The following ZNF771 variants were observed in gnomAD, a reference collection of about 807,000 sequenced individuals.
ZNF771 encodes the protein zinc finger protein 771.
A neutral mutation model predicts 27.6 loss-of-function variants in ZNF771; 10 were observed. That is an observed-to-expected ratio of 0.36 (90% CI 0.22 to 0.61). The LOEUF (loss-of-function observed/expected upper bound fraction) is 0.61. Ranked by LOEUF, ZNF771 falls within the 20% of genes least tolerant of loss-of-function variation. The pLI is 0.70. For missense variants in ZNF771, 438 were observed against 503.7 expected (o/e 0.87, Z 1.25); for synonymous variants, 261 against 225.2 (o/e 1.16, Z -1.43).
chr16:30,409,986 T>G (rs939596731), intron 2 of ZNF771, among the ~76,000 whole-genome samples: 7 of 152,182 alleles, frequency 4.6e-5, no homozygotes, highest in Non-Finnish European at 1.0e-4. Flanking sequence ...AGTCAACACA[T>G]GCACAGAGTT....
chr16:30,416,345 A>G (rs1346454042), intron 2 of ZNF771, among the ~76,000 whole-genome samples: 2 of 152,148 alleles, frequency 1.3e-5, no homozygotes, highest in Non-Finnish European at 2.9e-5. Context: ...AGATATGTCA[A>G]GAAGCCGTGA....
chr16:30,418,467 A>G lies in ZNF771; in HGVS notation c.*100A>G. ...CCTCCGGGTCTGGGAAATTGAGGGG[A>G]CGGCAGGCCCGGCTGCCCTGGAACT... On this transcript the variant is annotated 3_prime_UTR_variant, in exon 3 of 3. Transcript: ENST00000319296. The G allele has an allele frequency of 8.1e-7, 1 of 1,228,742 alleles. No individual in the cohort carries two copies. Among genetic ancestry groups the G allele is most frequent in the Non-Finnish European group, 1.1e-6 (1 of 943,360 alleles). 76.1% of individuals were successfully genotyped at this position (1,228,742 alleles called of 1,614,324 possible).
At chr16:30,408,973 A>T (rs920471866) in intron 2 of ZNF771, among the ~76,000 whole-genome samples, 14 of 148,642 alleles carry the variant, frequency 9.4e-5, no homozygotes, top group African/African-American at 3.5e-4. Flanking sequence ...CACCTGGCTA[A>T]TTTTTTTTTG....
intron 1 of ZNF771, 46 bp from the exon 2 acceptor site, chr16:30,407,997 GGT>G (rs2050085416): frequency 7.8e-5 from 69 of 883,906 alleles, no homozygotes; most frequent in East Asian, 1.6e-4. Flanking sequence ...CGGGGGGGGG[GGT>G]GGGGGGGGGC....
chr16:30,413,702 T>C, intron 2 of ZNF771: 1 of 290,338 alleles, frequency 3.4e-6, no homozygotes, highest in Non-Finnish European at 7.2e-6. Flanking sequence ...ACCAAGTTGT[T>C]GGGACTACAA....
rs1470047879 is a variant in ZNF771, at chr16:30,418,925, T to C, written c.*558T>C. The C allele has an allele frequency of 6.6e-6, 1 of 152,662 alleles. No homozygotes were observed. The highest frequency in any genetic ancestry group is 1.5e-5 in the Non-Finnish European group (1 of 68,364). 9.5% of individuals were successfully genotyped at this position (152,662 alleles called of 1,614,324 possible). On this transcript the variant is annotated 3_prime_UTR_variant, in exon 3 of 3. Coordinates refer to ENST00000319296, the MANE Select transcript of ZNF771 (RefSeq NM_001142305.2). Reference sequence around the variant, plus strand: ...TGTAATAACACTACGTTAAAGGTTTTAACTGCTTTGTTATGTAAGCTTACC... The same window carrying C: ...TGTAATAACACTACGTTAAAGGTTTCAACTGCTTTGTTATGTAAGCTTACC...
chr16:30,414,770 C>T (rs897700165), intron 2 of ZNF771, among the ~76,000 whole-genome samples: 2 of 148,892 alleles, frequency 1.3e-5, no homozygotes, highest in African/African-American at 5.0e-5. Context: ...CAGCCTCCCG[C>T]GTAGCTGGGA....
intron 2 of ZNF771, chr16:30,413,687 G>A (rs896958328): frequency 2.0e-5 from 6 of 304,226 alleles, no homozygotes; most frequent in African/African-American, 8.8e-5. Context: ...CTCCTTCCTC[G>A]GCCTACCAAG....
intron 2 of ZNF771, among the ~76,000 whole-genome samples, chr16:30,411,742 C>A (rs185683286): frequency 5.3e-5 from 8 of 152,212 alleles, no homozygotes; most frequent in Non-Finnish European, 1.2e-4. Flanking sequence ...GAAGGGTGCT[C>A]GATCGTTAGC....
intron 2 of ZNF771, among the ~76,000 whole-genome samples, chr16:30,409,827 C>T (rs527852360): frequency 2.2e-4 from 34 of 152,290 alleles, no homozygotes; most frequent in Non-Finnish European, 1.3e-4. Flanking sequence ...CAAACACAGG[C>T]TCCAGAGCTT....
Position 30,418,412 on chromosome 16 carries a change from T to C in ZNF771, c.*45T>C, listed in dbSNP as rs2050150490. ...GGGCGCGCTGGGGCTTCGACCTGGC[T>C]GCACTAACCCAGGCTCCTCCTCGCC... is the stretch of plus-strand genomic sequence containing the variant. On this transcript the variant is annotated 3_prime_UTR_variant, in exon 3 of 3. Transcript: ENST00000319296. 4 of 1,358,654 alleles carry C rather than the reference T, an allele frequency of 2.9e-6. No homozygotes were observed. The highest frequency in any genetic ancestry group is 9.4e-7 in the Non-Finnish European group (1 of 1,059,746). The allele number at this position is 1,358,654 out of a possible 1,614,324, so 84.2% of individuals were successfully genotyped here. A position where few individuals can be genotyped will look rare whatever the true frequency, so the allele number is the denominator to read the frequency against.
chr16:30,409,469 A>C (rs1324759003), intron 2 of ZNF771, among the ~76,000 whole-genome samples: 2 of 152,096 alleles, frequency 1.3e-5, no homozygotes, highest in Non-Finnish European at 2.9e-5. Flanking sequence ...TGGAGACCCT[A>C]ACTGCCACCA....
rs879044893 is a variant in ZNF771, at chr16:30,417,689, G to A, written c.276G>A (p.Gly92=). ...ARTHTGERPF[G]CTECGRRFSQ... ...CGCACACGGGCGAACGGCCCTTCGGGTGCACCGAGTGCGGGCGGCGCTTCT... is the reference window on the plus strand; with the variant it reads ...CGCACACGGGCGAACGGCCCTTCGGATGCACCGAGTGCGGGCGGCGCTTCT... Residue 92 remains glycine (G), a synonymous_variant, in exon 3 of 3, where the codon GGG becomes GGA. Coordinates refer to ENST00000319296, the MANE Select transcript of ZNF771 (RefSeq NM_001142305.2). 3.4e-5 allele frequency: 47 copies of A among 1,382,484 alleles called. No individual in the cohort carries two copies. The highest frequency in any genetic ancestry group is 3.9e-5 in the Non-Finnish European group (42 of 1,070,786). The allele number at this position is 1,382,484 out of a possible 1,614,324, so 85.6% of individuals were successfully genotyped here. A position where few individuals can be genotyped will look rare whatever the true frequency, so the allele number is the denominator to read the frequency against.
rs1178290453 is a variant in ZNF771 at position 30,418,285 on chromosome 16, G to A, written c.872G>A (p.Gly291Asp). ...CGGCGCCGCCTGTATATTTGCGCCG[G>A]CTGCGGCAGGGACTTCAAGCTGCCC... ...HMRRRLYICAGCGRDFKLPPG... is the reference protein window; with the variant it reads ...HMRRRLYICADCGRDFKLPPG... The change falls in exon 3 of 3, where the codon GGC becomes GAC. Residue 291 changes from glycine (G) to aspartate (D), a missense_variant. Around this residue, in one of 3 missense-constraint regions of ZNF771, gnomAD observed 305 missense variants for 308.0 expected, o/e 0.99. Transcript: ENST00000319296. 2.0e-6 allele frequency: 3 copies of A among 1,507,424 alleles called. No individual in the cohort carries two copies. Among genetic ancestry groups the A allele is most frequent in the East Asian group, 2.7e-5 (1 of 37,320 alleles). The allele number at this position is 1,507,424 out of a possible 1,614,324, so 93.4% of individuals were successfully genotyped here.
rs184066939 is a variant in ZNF771, at chr16:30,416,143, C to G, written c.142-1412C>G. Among the ~76,000 whole-genome samples, 34 of 152,250 alleles carry G rather than the reference C, an allele frequency of 2.2e-4. No homozygotes were observed. The East Asian group carries it at 6.2e-3, about 28-fold the overall frequency. On this transcript the variant is annotated intron_variant, in intron 2 of 2. Transcript: ENST00000319296. ...AGCTGATTAAGAGCCTGGACTTGGT[C>G]CTGGCCTGGCTTCCAGGATGCCCCT...
At chr16:30,410,024 C>CGGAAATAGTTGCT (rs1191434923) in intron 2 of ZNF771, among the ~76,000 whole-genome samples, 3 of 152,058 alleles carry the variant, frequency 2.0e-5, no homozygotes, top group Non-Finnish European at 4.4e-5. Context: ...AAAATAAACA[C>CGGAAATAGTTGCT]GGAAATAGTT....
intron 2 of ZNF771, among the ~76,000 whole-genome samples, chr16:30,411,400 C>A (rs377156700): frequency 8.6e-5 from 13 of 151,880 alleles, no homozygotes; most frequent in African/African-American, 2.9e-4. Flanking sequence ...GAGCCCAGGC[C>A]AGGTAGGGCC....
intron 2 of ZNF771, among the ~76,000 whole-genome samples, chr16:30,415,050 C>T (rs1225155497): frequency 3.4e-5 from 5 of 147,934 alleles, no homozygotes; most frequent in Admixed American, 1.4e-4. Context: ...CTCTGCCTCC[C>T]GGGTTCAAGT....
intron 2 of ZNF771, among the ~76,000 whole-genome samples, chr16:30,417,023 G>A (rs921506999): frequency 6.6e-6 from 1 of 151,146 alleles, no homozygotes; most frequent in Non-Finnish European, 1.5e-5. Context: ...CATGCATTCT[G>A]CTTTAACCAA....
Sources: gnomAD v4.1 joint callset for allele counts (sites outside exome capture counted in the v4.1 genomes callset) on GRCh38, gnomAD v4.1.1 for gene constraint, gnomAD v4.1.1 regional missense constraint, MANE v1.5 for transcripts, NCBI Gene and HGNC (gene_info 2026-07-23, HGNC 2026-07-21) for gene names.